PLCB4: variants seen among roughly 807,000 people sequenced by gnomAD.
PLCB4 encodes the protein phospholipase C beta 4.
A neutral mutation model predicts 178.8 loss-of-function variants in PLCB4; 77 were observed. The ratio of observed to expected loss-of-function variants is 0.43; its 90% confidence interval spans 0.36 to 0.52. The LOEUF (loss-of-function observed/expected upper bound fraction) is 0.52, where lower values mean the gene tolerates loss of function less well. PLCB4 is among the 20% of genes least tolerant of loss of function. The pLI is 0.00. For synonymous variants in PLCB4, 496 were observed against 490.8 expected, an observed-to-expected ratio of 1.01 and a Z score of -0.14; for missense variants, 1,024 against 1,453.4, an observed-to-expected ratio of 0.70 and a Z score of 4.80.
intron 20 of PLCB4, among the ~76,000 whole-genome samples, chr20:9,404,992 T>G (rs1180528894): frequency 4.6e-5 from 7 of 152,226 alleles, no homozygotes; most frequent in South Asian, 4.1e-4. Context: ...CAGACATGAA[T>G]GCTGAGTTAC....
chr20:9,470,201 C>T (rs2044089591), intron 36 of PLCB4, among the ~76,000 whole-genome samples: 1 of 151,914 alleles, frequency 6.6e-6, no homozygotes, highest in African/African-American at 2.4e-5. Flanking sequence ...TGTGGTGGTA[C>T]CTGCCTGTAA....
At chr20:9,082,498 GCTT>G (rs2090202963) in intron 1 of PLCB4, among the ~76,000 whole-genome samples, 1 of 152,054 alleles carries the variant, frequency 6.6e-6, no homozygotes, top group Non-Finnish European at 1.5e-5. Context: ...TTCACATTTG[GCTT>G]CTTTTTGATT....
rs370272793 is a variant in PLCB4, at chr20:9,468,657, A to G, written c.3335A>G (p.Lys1112Arg). 3.3e-5 allele frequency: 53 copies of G among 1,599,304 alleles called. No homozygotes were observed. Among genetic ancestry groups the G allele is most frequent in the Non-Finnish European group, 4.1e-5 (48 of 1,166,846 alleles). ...AGCCAAGATAAATCTATCAAGAATA[A>G]AGCAGAACGGGAAAGGTAAGTCTGA... ...AISQDKSIKN[K>R]AERERRVREL... Residue 1112 changes from lysine (K) to arginine (R), a missense_variant, in exon 36 of 40, where the codon AAA (lysine) becomes AGA (arginine). Around this residue, in one of 7 missense-constraint regions of PLCB4, gnomAD observed 264 missense variants for 283.2 expected, o/e 0.93. Transcript: ENST00000378473.
At chr20:9,179,607 C>A (rs1006728967) in intron 2 of PLCB4, among the ~76,000 whole-genome samples, 7 of 152,174 alleles carry the variant, frequency 4.6e-5, no homozygotes, top group African/African-American at 1.7e-4. Flanking sequence ...ACGAATACAG[C>A]AGATTTACCC....
upstream of PLCB4, chr20:9,068,906 A>G (rs1449100715): frequency 6.7e-6 from 1 of 149,278 alleles, no homozygotes; most frequent in Non-Finnish European, 1.5e-5. Context: ...CAACTGAGGT[A>G]AGGACCGCGC....
At chr20:9,372,077 C>T (rs1432133896) in intron 10 of PLCB4, among the ~76,000 whole-genome samples, 1 of 152,148 alleles carries the variant, frequency 6.6e-6, no homozygotes, top group African/African-American at 2.4e-5. Context: ...TTCGCACACA[C>T]AGAATCTGGC....
chr20:9,068,683 C>T (rs1362930811), upstream of PLCB4: 1 of 151,916 alleles, frequency 6.6e-6, no homozygotes. Context: ...GCTCCGTAGC[C>T]TGGGCAGGTT....
At chr20:9,420,053 T>A (rs1449759067) in intron 26 of PLCB4, 144 bp downstream of exon 26, 1 of 508,720 alleles carries the variant, frequency 2.0e-6, no homozygotes, top group East Asian at 2.9e-5. Context: ...TTTTAAAAAA[T>A]GAGACCCATT....
chr20:9,175,251 A>T (rs2093134945), intron 2 of PLCB4, among the ~76,000 whole-genome samples: 2 of 152,206 alleles, frequency 1.3e-5, no homozygotes, highest in African/African-American at 2.4e-5. Flanking sequence ...TTTAAGAAAC[A>T]TCAGTGTTTT....
intron 9 of PLCB4, among the ~76,000 whole-genome samples, chr20:9,370,019 C>A (rs951553509): frequency 6.6e-6 from 1 of 152,212 alleles, no homozygotes; most frequent in Non-Finnish European, 1.5e-5. Context: ...CGATTGAAGG[C>A]TCCTTGGTGG....
intron 27 of PLCB4, among the ~76,000 whole-genome samples, chr20:9,422,182 G>C (rs2040691026): frequency 6.6e-6 from 1 of 152,090 alleles, no homozygotes; most frequent in African/African-American, 2.4e-5. Context: ...GCTTCTTTAG[G>C]CACAAGTTTT....
chr20:9,451,004 A>G (rs1462035330), intron 32 of PLCB4, among the ~76,000 whole-genome samples: 1 of 152,126 alleles, frequency 6.6e-6, no homozygotes, highest in East Asian at 1.9e-4. Context: ...TATATGTTAC[A>G]CAAGGGCAGT....
At chr20:9,342,921 G>T (rs1190690602) in intron 7 of PLCB4, among the ~76,000 whole-genome samples, 1 of 152,132 alleles carries the variant, frequency 6.6e-6, no homozygotes, top group African/African-American at 2.4e-5. Context: ...CTTTCCACAA[G>T]ATCGTGTCAT....
chr20:9,307,798 A>T lies in PLCB4; in HGVS notation c.-15-2A>T. On this transcript the variant is annotated splice_acceptor_variant, in intron 3 of 39. Transcript: ENST00000378473. LOFTEE classifies it low-confidence loss of function (5UTR_SPLICE). ...TAACGAGCTATTCTTTTTCATTTTT[A>T]GGTCTTGAATATAATCATGGCCAAA... The T allele has an allele frequency of 6.8e-7, 1 of 1,468,908 alleles. No homozygotes were observed. Among genetic ancestry groups the T allele is most frequent in the Non-Finnish European group, 9.4e-7 (1 of 1,063,772 alleles). The allele number at this position is 1,468,908 out of a possible 1,614,324, so 91.0% of individuals were successfully genotyped here.
chr20:9,458,890 C>G (rs113693057), intron 34 of PLCB4, among the ~76,000 whole-genome samples: 3 of 152,252 alleles, frequency 2.0e-5, no homozygotes, highest in African/African-American at 7.2e-5. Context: ...ACTTTCTACC[C>G]TAGTGTCTAT....
chr20:9,293,599 G>A (rs2094602496), intron 3 of PLCB4, among the ~76,000 whole-genome samples: 1 of 149,650 alleles, frequency 6.7e-6, no homozygotes, highest in South Asian at 2.1e-4. Flanking sequence ...GGGGTTGGTT[G>A]GGAGCTCCTC....
chr20:9,327,771 A>G (rs1240791683), intron 4 of PLCB4, among the ~76,000 whole-genome samples: 1 of 152,070 alleles, frequency 6.6e-6, no homozygotes, highest in Non-Finnish European at 1.5e-5. Flanking sequence ...GCGAGACTCC[A>G]TCTCGAAAAA....
chr20:9,207,400 A>C (rs1324136610), intron 2 of PLCB4, among the ~76,000 whole-genome samples: 1 of 152,242 alleles, frequency 6.6e-6, no homozygotes, highest in East Asian at 1.9e-4. Flanking sequence ...AAATGTCCTA[A>C]CACAAGGACT....
Position 9,244,812 on chromosome 20 carries a change from T to G in PLCB4, c.-16+27360T>G, listed in dbSNP as rs998772578. On this transcript the variant is annotated intron_variant, in intron 3 of 39. Coordinates refer to ENST00000378473, the MANE Select transcript of PLCB4 (RefSeq NM_001377142.1). ...AATTCTGATAGTAAATAGTGATGGT[T>G]GTTATTTTTCTTTTATTAAAGAAAA... Among the ~76,000 whole-genome samples the G allele has an allele frequency of 7.2e-5, 11 of 152,328 alleles. No homozygotes were observed. In the East Asian group the frequency reaches 9.6e-4, roughly 13 times the overall value.
Sources: gnomAD v4.1 joint callset for allele counts (sites outside exome capture counted in the v4.1 genomes callset) on GRCh38, gnomAD v4.1.1 for gene constraint, gnomAD v4.1.1 regional missense constraint, MANE v1.5 for transcripts, NCBI Gene and HGNC (gene_info 2026-07-23, HGNC 2026-07-21) for gene names.